Variants in RBFOX1 observed in about 807,000 individuals in gnomAD.
RBFOX1 encodes the protein RNA binding fox-1 homolog 1.
Under a neutral mutation model 57.7 loss-of-function variants are expected in RBFOX1, and 8 were observed. The observed-to-expected ratio is 0.14, with a 90% CI of 0.08 to 0.25. The LOEUF is 0.25. RBFOX1 is among the 10% of genes least tolerant of loss of function. The probability of loss-of-function intolerance (pLI) is 1.00; values close to 1 mark genes in which losing one functional copy is unlikely to be tolerated. For missense variants in RBFOX1, 611 were observed against 548.5 expected (o/e 1.11, Z -1.14); for synonymous variants, 326 against 222.4 (o/e 1.47, Z -4.15).
chr16:6,012,499 T>C (rs1323996345), intron 4 of RBFOX1, among the ~76,000 whole-genome samples: 1 of 152,210 alleles, frequency 6.6e-6, no homozygotes, highest in Non-Finnish European at 1.5e-5. Context: ...AAGCCAAGAA[T>C]ACTGCTGAAT....
chr16:6,636,433 G>T (rs530758350), intron 2 of RBFOX1, among the ~76,000 whole-genome samples: 5 of 152,072 alleles, frequency 3.3e-5, no homozygotes, highest in Non-Finnish European at 7.4e-5. Context: ...GCCTCCCAAA[G>T]TGCTGGGATT....
rs17141956 is a variant in RBFOX1, at chr16:6,989,420, C to T, written c.-15-62637C>T. 2.5e-3 allele frequency among the ~76,000 whole-genome samples: 379 copies of T among 152,178 alleles called. 4 individuals are homozygous for T. The East Asian group carries it at 0.057, about 23-fold the overall frequency. ...TGAATTACAATTTGTTATTATTTAA[C>T]GGTGCAATTAGAACTTTTTTTCCCC... On this transcript the variant is annotated intron_variant, in intron 3 of 15. Transcript: ENST00000550418.
At chr16:6,605,768 A>G (rs1209290941) in intron 2 of RBFOX1, among the ~76,000 whole-genome samples, 1 of 152,148 alleles carries the variant, frequency 6.6e-6, no homozygotes, top group Non-Finnish European at 1.5e-5. Context: ...TTAGACGGGC[A>G]TTTCATTATG....
intron 4 of RBFOX1, among the ~76,000 whole-genome samples, chr16:7,264,869 C>G (rs1424261834): frequency 6.6e-6 from 1 of 152,236 alleles, no homozygotes; most frequent in African/African-American, 2.4e-5. Flanking sequence ...AAAATTGATA[C>G]ATGACTATTT....
intron 3 of RBFOX1, among the ~76,000 whole-genome samples, chr16:7,040,354 C>A (rs747056957): frequency 6.6e-6 from 1 of 152,132 alleles, no homozygotes; most frequent in Non-Finnish European, 1.5e-5. Context: ...CACATACTTA[C>A]TATGTGCCAG....
At chr16:6,952,026 G>A (rs988659906) in intron 3 of RBFOX1, among the ~76,000 whole-genome samples, 1 of 152,164 alleles carries the variant, frequency 6.6e-6, no homozygotes, top group African/African-American at 2.4e-5. Flanking sequence ...GATAATTGTG[G>A]CCACTGTTGA....
rs7203269 is a variant in RBFOX1 at position 6,914,692 on chromosome 16, A to G, written c.-15-137365A>G. 7.8e-4 allele frequency among the ~76,000 whole-genome samples: 119 copies of G among 152,206 alleles called. 1 individual carries two copies. In the South Asian group the frequency reaches 8.3e-3, roughly 11 times the overall value. On this transcript the variant is annotated intron_variant, in intron 3 of 15. Coordinates refer to ENST00000550418, the MANE Select transcript of RBFOX1 (RefSeq NM_018723.4). ...AGTTCAAGATCAGCCTGGCCAACAT[A>G]GCAAGATCCCATCTGTACCAATAAG...
intron 1 of RBFOX1, among the ~76,000 whole-genome samples, chr16:6,249,088 A>G (rs1417509216): frequency 6.6e-6 from 1 of 152,154 alleles, no homozygotes; most frequent in Non-Finnish European, 1.5e-5. Context: ...CTCAGTTGGG[A>G]TTAGTCCAGC....
At chr16:7,671,748 C>T (rs1303051905) in intron 13 of RBFOX1, 10 of 727,764 alleles carry the variant, frequency 1.4e-5, no homozygotes, top group South Asian at 1.0e-4. Flanking sequence ...AATATGAAAT[C>T]TCCTAGAATA....
chr16:7,405,395 T>G (rs888173239), intron 4 of RBFOX1, among the ~76,000 whole-genome samples: 1 of 152,186 alleles, frequency 6.6e-6, no homozygotes, highest in Non-Finnish European at 1.5e-5. Context: ...GTTTTTTCCC[T>G]GTTCCACCAG....
At chr16:5,841,291 G>C (rs1350403866) in intron 3 of RBFOX1, among the ~76,000 whole-genome samples, 1 of 152,196 alleles carries the variant, frequency 6.6e-6, no homozygotes, top group Non-Finnish European at 1.5e-5. Flanking sequence ...GCAGAGCCAG[G>C]ATTTGAACCC....
rs907806798 is a variant in RBFOX1 at position 7,613,929 on chromosome 16, G to T, written c.676+6591G>T. ...TATTCAGATTGGCATTGGGCTCAGG[G>T]TGATTTGGCTATAAAAAGTCCTAGG... is the stretch of plus-strand genomic sequence containing the variant. On this transcript the variant is annotated intron_variant, in intron 10 of 15. Coordinates refer to ENST00000550418, the MANE Select transcript of RBFOX1 (RefSeq NM_018723.4). Among the ~76,000 whole-genome samples the T allele has an allele frequency of 2.0e-5, 3 of 152,282 alleles. No individual in the cohort carries two copies. In the East Asian group the frequency reaches 5.8e-4, roughly 29 times the overall value.
intron 3 of RBFOX1, among the ~76,000 whole-genome samples, chr16:6,976,853 T>A (rs2153580238): frequency 1.2e-5 from 1 of 81,776 alleles, no homozygotes; most frequent in Non-Finnish European, 2.3e-5. Context: ...ATGATGTATA[T>A]CACATATATA....
chr16:7,453,350 T>C (rs9934911), intron 4 of RBFOX1, among the ~76,000 whole-genome samples: 60,193 of 151,692 alleles, frequency 0.4, 12,261 homozygotes, highest in Non-Finnish European at 0.45. Context: ...ATCATTGTCC[T>C]CATAGTTGAG....
At chr16:5,444,803 A>G (rs143814009) in intron 1 of RBFOX1, among the ~76,000 whole-genome samples, 218 of 152,246 alleles carry the variant, frequency 1.4e-3, no homozygotes, top group Non-Finnish European at 2.4e-3. Flanking sequence ...TGATGGATGT[A>G]TTAGGTTGAA....
intron 1 of RBFOX1, among the ~76,000 whole-genome samples, chr16:5,243,403 G>A (rs531012170): frequency 1.3e-5 from 2 of 152,304 alleles, no homozygotes; most frequent in South Asian, 2.1e-4. Context: ...CTGTAGAGGA[G>A]CATCCGCGTT....
intron 4 of RBFOX1, among the ~76,000 whole-genome samples, chr16:7,430,388 G>A (rs570701459): frequency 3.9e-5 from 6 of 152,268 alleles, no homozygotes; most frequent in South Asian, 2.1e-4. Context: ...TAGGCTGGGC[G>A]CAGTGGCTCA....
At chr16:7,063,592 C>G (rs974000830) in intron 4 of RBFOX1, among the ~76,000 whole-genome samples, 2 of 152,164 alleles carry the variant, frequency 1.3e-5, no homozygotes, top group African/African-American at 4.8e-5. Context: ...TCAAATTTAG[C>G]TGGTAAAATG....
chr16:7,595,838 T>C (rs972004289), intron 8 of RBFOX1, among the ~76,000 whole-genome samples, 197 bp downstream of exon 8: 1 of 150,162 alleles, frequency 6.7e-6, no homozygotes, highest in African/African-American at 2.4e-5. Context: ...ATTATGTTAC[T>C]CTTATACCGC....
Sources: allele counts gnomAD v4.1 joint callset (sites outside exome capture counted in the v4.1 genomes callset), GRCh38; gene constraint gnomAD v4.1.1; transcripts MANE v1.5; gene names NCBI Gene and HGNC (gene_info 2026-07-23, HGNC 2026-07-21).